PITPNC1: variants seen among roughly 807,000 people sequenced by gnomAD.
PITPNC1 encodes phosphatidylinositol transfer protein cytoplasmic 1.
A neutral mutation model predicts 44.7 loss-of-function variants in PITPNC1; 18 were observed. The ratio of observed to expected loss-of-function variants is 0.40; its 90% CI spans 0.28 to 0.60. The LOEUF (loss-of-function observed/expected upper bound fraction) is 0.60. PITPNC1 is among the 20% of genes least tolerant of loss of function. The pLI is 0.39. For synonymous variants in PITPNC1, 141 were observed against 149.6 expected, an observed-to-expected ratio of 0.94 and a Z score of 0.42; for missense variants, 290 against 418.4, an observed-to-expected ratio of 0.69 and a Z score of 2.68.
intron 2 of PITPNC1, among the ~76,000 whole-genome samples, chr17:67,545,432 A>G (rs889344813): frequency 1.3e-5 from 2 of 150,486 alleles, no homozygotes; most frequent in Non-Finnish European, 3.0e-5. Context: ...ACAAAAATTA[A>G]CCAGGTGTGG....
At chr17:67,646,878 T>A (rs1194640178) in intron 6 of PITPNC1, among the ~76,000 whole-genome samples, 1 of 151,854 alleles carries the variant, frequency 6.6e-6, no homozygotes, top group East Asian at 1.9e-4. Context: ...GCTTAGAGAG[T>A]CTAAGTAACT....
At chr17:67,636,646 G>A (rs1006669834) in intron 6 of PITPNC1, among the ~76,000 whole-genome samples, 3 of 152,114 alleles carry the variant, frequency 2.0e-5, no homozygotes, top group Non-Finnish European at 2.9e-5. Flanking sequence ...CCCCAGGGGC[G>A]ACTCCCTCGT....
intron 1 of PITPNC1, among the ~76,000 whole-genome samples, chr17:67,482,242 T>C (rs2039714346): frequency 6.6e-6 from 1 of 152,208 alleles, no homozygotes; most frequent in South Asian, 2.1e-4. Flanking sequence ...AATGTAAAAA[T>C]TATCTTTTAA....
At chr17:67,475,270 T>TA (rs762164009) in intron 1 of PITPNC1, among the ~76,000 whole-genome samples, 11 of 152,218 alleles carry the variant, frequency 7.2e-5, no homozygotes, top group Non-Finnish European at 1.3e-4. Flanking sequence ...ACTTGATTGT[T>TA]ATCACAGTTG....
intron 1 of PITPNC1, among the ~76,000 whole-genome samples, chr17:67,492,208 A>C (rs1291990962): frequency 6.6e-6 from 1 of 152,156 alleles, no homozygotes; most frequent in Admixed American, 6.5e-5. Context: ...AATATCCCCC[A>C]GAGCCTGTGA....
At chr17:67,454,986 A>G (rs1340440405) in intron 1 of PITPNC1, among the ~76,000 whole-genome samples, 2 of 151,716 alleles carry the variant, frequency 1.3e-5, no homozygotes, top group Non-Finnish European at 2.9e-5. Flanking sequence ...GGCCTGGCTA[A>G]TTTTTATTAT....
chr17:67,550,090 A>T (rs1369046605), intron 2 of PITPNC1, among the ~76,000 whole-genome samples: 2 of 152,220 alleles, frequency 1.3e-5, no homozygotes, highest in Non-Finnish European at 2.9e-5. Flanking sequence ...GATGGAATAC[A>T]TCATCAGCGA....
At chr17:67,579,938 C>CAAA (rs35787884) in intron 5 of PITPNC1, among the ~76,000 whole-genome samples, 3 of 134,882 alleles carry the variant, frequency 2.2e-5, no homozygotes, top group Admixed American at 2.2e-4. Flanking sequence ...GACTCTGTCT[C>CAAA]AAAAAAAAAA....
chr17:67,564,361 A>C (rs929081844), intron 4 of PITPNC1, among the ~76,000 whole-genome samples: 1 of 151,918 alleles, frequency 6.6e-6, no homozygotes, highest in Non-Finnish European at 1.5e-5. Context: ...TAGGTCCTGG[A>C]GTCCAAAGGC....
chr17:67,608,666 G>GTTTT (rs373586575), intron 5 of PITPNC1, among the ~76,000 whole-genome samples: 6 of 128,034 alleles, frequency 4.7e-5, no homozygotes, highest in East Asian at 2.3e-4. Context: ...AGTTTTTCTA[G>GTTTT]TTTTTTTTTT....
intron 1 of PITPNC1, among the ~76,000 whole-genome samples, chr17:67,419,085 G>T (rs572911322): frequency 6.6e-6 from 1 of 152,116 alleles, no homozygotes; most frequent in Admixed American, 6.5e-5. Context: ...CAACCTGTTG[G>T]TCCAGATTAA....
chr17:67,576,240 C>T (rs1168088059), intron 4 of PITPNC1, among the ~76,000 whole-genome samples: 1 of 152,086 alleles, frequency 6.6e-6, no homozygotes, highest in African/African-American at 2.4e-5. Flanking sequence ...TCTTTGAGAA[C>T]CACTCAGTAT....
At chr17:67,495,037 GTTGTTTTTTTTT>G (rs1275040736) in intron 1 of PITPNC1, among the ~76,000 whole-genome samples, 3,151 of 78,230 alleles carry the variant, frequency 0.04, 250 homozygotes, top group African/African-American at 0.098. Flanking sequence ...GAGCCATGGA[GTTGTTTTTTTTT>G]TTGTTTTTTT....
chr17:67,460,839 G>C (rs2143972141), intron 1 of PITPNC1, among the ~76,000 whole-genome samples: 1 of 144,930 alleles, frequency 6.9e-6, no homozygotes, highest in Non-Finnish European at 1.5e-5. Context: ...CCACCTCTCA[G>C]ATTCAAGTGA....
chr17:67,632,508 G>A (rs1207272949), intron 6 of PITPNC1: 2 of 450,232 alleles, frequency 4.4e-6, no homozygotes, highest in Non-Finnish European at 7.8e-6. Context: ...TATCCATAGG[G>A]CTGGACCATC....
chr17:67,402,327 G>A (rs1458119538), intron 1 of PITPNC1, among the ~76,000 whole-genome samples: 1 of 152,182 alleles, frequency 6.6e-6, no homozygotes, highest in Non-Finnish European at 1.5e-5. Flanking sequence ...AACAGGCTAT[G>A]GGCTGCATTT....
intron 5 of PITPNC1, among the ~76,000 whole-genome samples, chr17:67,586,924 T>C (rs748436532): frequency 1.6e-4 from 24 of 152,144 alleles, no homozygotes; most frequent in Non-Finnish European, 3.4e-4. Flanking sequence ...GCTGGAAAGA[T>C]GGCAGAGGAT....
intron 5 of PITPNC1, among the ~76,000 whole-genome samples, chr17:67,585,968 G>A (rs1489859156): frequency 2.6e-5 from 4 of 152,118 alleles, no homozygotes; most frequent in Admixed American, 2.6e-4. Flanking sequence ...AGATTTTGTT[G>A]TTTACACCAC....
chr17:67,458,535 TCTTA>T (rs1184529890), intron 1 of PITPNC1, among the ~76,000 whole-genome samples: 4 of 152,226 alleles, frequency 2.6e-5, no homozygotes, highest in Non-Finnish European at 5.9e-5. Context: ...CACATCTGAC[TCTTA>T]CTTTTTTCCC....
Sources: gnomAD v4.1 joint callset for allele counts (sites outside exome capture counted in the v4.1 genomes callset) on GRCh38, gnomAD v4.1.1 for gene constraint, MANE v1.5 for transcripts, NCBI Gene and HGNC (gene_info 2026-07-23, HGNC 2026-07-21) for gene names.